NUP58: variants seen among roughly 807,000 people sequenced by gnomAD.
NUP58 encodes the protein nucleoporin 58.
In NUP58, 17 loss-of-function variants were observed where a neutral mutation model predicts 70.1. The ratio of observed to expected loss-of-function variants is 0.24; its 90% CI spans 0.17 to 0.36. The LOEUF (loss-of-function observed/expected upper bound fraction) is 0.36, where lower values mean the gene tolerates loss of function less well. NUP58 is among the 10% of genes least tolerant of loss of function. The pLI is 1.00. For synonymous variants in NUP58, 275 were observed against 257.6 expected (o/e 1.07, Z -0.65); for missense variants, 644 against 701.5 (o/e 0.92, Z 0.93).
chr13:25,333,428 CT>C, intron 13 of NUP58: 1 of 985,396 alleles, frequency 1.0e-6, no homozygotes, highest in Non-Finnish European at 1.2e-6. Flanking sequence ...TGCCTTCACT[CT>C]TCCCTGAAAC....
At chr13:25,331,702 G>A (rs2031612293) in intron 13 of NUP58, 144 bp downstream of exon 13, 1 of 1,449,462 alleles carries the variant, frequency 6.9e-7, no homozygotes, top group Non-Finnish European at 9.1e-7. Context: ...TGATGGACAC[G>A]ATTATAAACA....
At chr13:25,328,115 C>T (rs944075174) in intron 12 of NUP58, among the ~76,000 whole-genome samples, 3 of 151,824 alleles carry the variant, frequency 2.0e-5, no homozygotes, top group Non-Finnish European at 4.4e-5. Flanking sequence ...AGGAGAATCG[C>T]TTGAACCCAG....
rs766163283 is a variant in NUP58 at position 25,331,538 on chromosome 13, A to G, written c.1415A>G (p.Gln472Arg). Residue 472 changes from glutamine to arginine, a missense_variant, in exon 13 of 16, where the codon CAG becomes CGG. Physicochemically the swap from Gln to Arg is conservative, Grantham distance 43 (BLOSUM62 1). Around this residue, in one of 4 missense-constraint regions of NUP58, gnomAD observed 132 missense variants for 203.9 expected, o/e 0.65. Coordinates refer to ENST00000381736, the MANE Select transcript of NUP58 (RefSeq NM_014089.4). Reference sequence around the variant, plus strand: ...GTTGCCATGGCTGCAACACTTACACAGCAGCAACAGCCTGCTACAGGTCTG... The same window carrying G: ...GTTGCCATGGCTGCAACACTTACACGGCAGCAACAGCCTGCTACAGGTCTG... ...AAVAMAATLT[Q>R]QQQPATGPQP... The G allele has an allele frequency of 1.3e-5, 21 of 1,613,920 alleles. No homozygotes were observed. Among genetic ancestry groups the G allele is most frequent in the Non-Finnish European group, 1.7e-5 (20 of 1,179,982 alleles).
intron 13 of NUP58, chr13:25,333,359 C>CTTT (rs2031675450): frequency 2.0e-6 from 2 of 985,202 alleles, no homozygotes; most frequent in Non-Finnish European, 2.4e-6. Context: ...CTTGAGGAGC[C>CTTT]TTTTGCTCAT....
At chr13:25,321,467 G>A (rs569757922) in intron 9 of NUP58, among the ~76,000 whole-genome samples, 22 of 152,278 alleles carry the variant, frequency 1.4e-4, no homozygotes, top group African/African-American at 5.1e-4. Flanking sequence ...ACTAGGTTTC[G>A]TAAGTGTGGT....
chr13:25,340,019 C>T lies in NUP58; in HGVS notation c.1685C>T (p.Ala562Val), dbSNP rs1357831434. Reference sequence around the variant, plus strand: ...AACTTCAGCAATCCTGGCATCACGGCATCAGCTGGTTTGACTTTTGGGGTG... The same window carrying T: ...AACTTCAGCAATCCTGGCATCACGGTATCAGCTGGTTTGACTTTTGGGGTG... ...GFNFSNPGIT[A>V]SAGLTFGVSN... Residue 562 changes from alanine to valine, a missense_variant, in exon 16 of 16, where the codon GCA (alanine) becomes GTA (valine). Physicochemically the swap from Ala to Val is moderately conservative, Grantham distance 64. Around this residue, in one of 4 missense-constraint regions of NUP58, gnomAD observed 132 missense variants for 203.9 expected, o/e 0.65. Coordinates refer to ENST00000381736, the MANE Select transcript of NUP58 (RefSeq NM_014089.4). The T allele has an allele frequency of 1.9e-6, 3 of 1,613,130 alleles. No homozygotes were observed. The highest frequency in any genetic ancestry group is 2.5e-6 in the Non-Finnish European group (3 of 1,179,664).
rs545216484 is a variant in NUP58 at position 25,326,943 on chromosome 13, T to C, written c.1059T>C (p.Phe353=). ...ACTTCAGAATCTTGGTTCAGCAATTTGAGGTACAGCTTCAGCAGTACAGGC... is the reference window on the plus strand; with the variant it reads ...ACTTCAGAATCTTGGTTCAGCAATTCGAGGTACAGCTTCAGCAGTACAGGC... ...ADYFRILVQQ[F]EVQLQQYRQQ... Residue 353 remains phenylalanine (F), a synonymous_variant, in exon 11 of 16, where the codon TTT becomes TTC. Coordinates refer to ENST00000381736, the MANE Select transcript of NUP58 (RefSeq NM_014089.4). The C allele has an allele frequency of 1.3e-6, 2 of 1,593,716 alleles. No homozygotes were observed. The highest frequency in any genetic ancestry group is 2.3e-5 in the East Asian group (1 of 44,428).
chr13:25,307,808 A>C lies in NUP58; in HGVS notation c.110A>C (p.Asn37Thr). 1 of 1,613,884 alleles carries C rather than the reference A, an allele frequency of 6.2e-7. No individual in the cohort carries two copies. The highest frequency in any genetic ancestry group is 8.5e-7 in the Non-Finnish European group (1 of 1,179,928). ...VFSFGTGASS[N>T]PSVGLNFGNL... ...TTGTTTTTGTTTCTTTAAATAAGCA[A>C]CCCTTCTGTGGGGCTCAATTTTGGA... The change falls in exon 2 of 16, where the codon AAC (asparagine) becomes ACC (threonine). Residue 37 changes from asparagine (N) to threonine (T), a missense_variant and splice_region_variant. This residue lies in a region of NUP58 where 430 missense variants were observed against 409.2 expected (regional missense o/e 1.05). Transcript: ENST00000381736.
chr13:25,301,969 C>T (rs746444078), intron 1 of NUP58, 89 bp downstream of exon 1: 47 of 816,974 alleles, frequency 5.8e-5, no homozygotes, highest in Admixed American at 4.6e-4. Context: ...CTGTCTCTTC[C>T]CTCTGGCTTC....
intron 6 of NUP58, among the ~76,000 whole-genome samples, chr13:25,317,251 T>C (rs2030974508): frequency 6.6e-6 from 1 of 151,878 alleles, no homozygotes; most frequent in Non-Finnish European, 1.5e-5. Context: ...AAGATGAGGT[T>C]CCAGAAGTCA....
At chr13:25,306,911 T>TG (rs1180680387) in intron 1 of NUP58, among the ~76,000 whole-genome samples, 1 of 152,130 alleles carries the variant, frequency 6.6e-6, no homozygotes, top group African/African-American at 2.4e-5. Context: ...TGAGACAGGG[T>TG]GATTTTGCTT....
chr13:25,316,455 TTA>T (rs2030934177), intron 6 of NUP58, among the ~76,000 whole-genome samples: 1 of 152,148 alleles, frequency 6.6e-6, no homozygotes, highest in South Asian at 2.1e-4. Context: ...GACTTTTTTT[TTA>T]AAAAACTGGA....
intron 13 of NUP58, 112 bp downstream of exon 13, chr13:25,331,670 G>A: frequency 6.7e-7 from 1 of 1,484,058 alleles, no homozygotes; most frequent in Admixed American, 2.4e-5. Flanking sequence ...ATGAGTAGCT[G>A]TTCCAATACA....
In NUP58 at chr13:25,301,821, C is replaced by G. The variant is rs1405397333; in HGVS notation, c.48C>G (p.Thr16=). 1.4e-5 allele frequency: 22 copies of G among 1,613,548 alleles called. No individual in the cohort carries two copies. Among genetic ancestry groups the G allele is most frequent in the Non-Finnish European group, 1.6e-5 (19 of 1,179,882 alleles). ...GGTCCGGGACTCTGGGCTCCACCAC[C>G]GTGGCCGCCGGCGGGACCAGCACAG... is the stretch of plus-strand genomic sequence containing the variant. ...SFGSGTLGST[T]VAAGGTSTGG... The change falls in exon 1 of 16, where the codon ACC becomes ACG. Residue 16 remains threonine (T), a synonymous_variant. Coordinates refer to ENST00000381736, the MANE Select transcript of NUP58 (RefSeq NM_014089.4).
rs1052776776 is a variant in NUP58, at chr13:25,335,541, A to G, written c.1436-1395A>G. On this transcript the variant is annotated intron_variant, in intron 13 of 15. Coordinates refer to ENST00000381736, the MANE Select transcript of NUP58 (RefSeq NM_014089.4). The stretch of plus-strand genomic sequence containing the variant: ...TTTACAAAAGAGCTGCTAGGCAGGT[A>G]TTTTATTCTCAAAGTGATCTCAAAC... The G allele has an allele frequency of 8.1e-6, 8 of 984,516 alleles. No homozygotes were observed. The African/African-American group carries it at 1.4e-4, about 17-fold the overall frequency. 61.0% of individuals were successfully genotyped at this position (984,516 alleles called of 1,614,324 possible). A position where few individuals can be genotyped will look rare whatever the true frequency, so the allele number is the denominator to read the frequency against.
chr13:25,309,555 G>T, intron 3 of NUP58: 1 of 328,162 alleles, frequency 3.0e-6, no homozygotes. Flanking sequence ...TACTTTTTTA[G>T]TCATTTGACT....
At chr13:25,325,139 A>G in intron 10 of NUP58, 71 bp downstream of exon 10, 1 of 1,086,936 alleles carries the variant, frequency 9.2e-7, no homozygotes, top group South Asian at 1.4e-5. Flanking sequence ...ATAGTATACA[A>G]ACTAAATATT....
chr13:25,326,026 C>T (rs1012127473), intron 10 of NUP58, among the ~76,000 whole-genome samples: 11 of 152,012 alleles, frequency 7.2e-5, no homozygotes, highest in Non-Finnish European at 4.4e-5. Flanking sequence ...TACATTTCTC[C>T]CCCAAACAGT....
chr13:25,317,338 G>A (rs1345402555), intron 6 of NUP58, among the ~76,000 whole-genome samples: 4 of 152,128 alleles, frequency 2.6e-5, no homozygotes, highest in African/African-American at 7.2e-5. Context: ...AAAGGGATTT[G>A]ATGAGATTTG....
Sources: allele counts gnomAD v4.1 joint callset (sites outside exome capture counted in the v4.1 genomes callset), GRCh38; gene constraint gnomAD v4.1.1; regional missense constraint gnomAD v4.1.1; transcripts MANE v1.5; gene names NCBI Gene and HGNC (gene_info 2026-07-23, HGNC 2026-07-21).